The following SORCS2 variants were observed in gnomAD, a reference collection of about 807,000 sequenced individuals.
SORCS2 encodes the protein sortilin related VPS10 domain containing receptor 2, also known as VPS10 domain-containing receptor SorCS2.
In SORCS2, 100 loss-of-function variants were observed where a neutral mutation model predicts 141.6. The observed-to-expected ratio is 0.71, with a 90% CI of 0.60 to 0.83. SORCS2 has a LOEUF of 0.83. SORCS2 is among the 40% of genes least tolerant of loss of function. The pLI, the probability that SORCS2 is intolerant of heterozygous loss-of-function variation, is 0.00. For missense variants in SORCS2, 1,646 were observed against 1,560.2 expected, an observed-to-expected ratio of 1.05 and a Z score of -0.93; for synonymous variants, 789 against 676.9, an observed-to-expected ratio of 1.17 and a Z score of -2.57.
rs753672197 is a variant in SORCS2 at position 7,638,404 on chromosome 4, A to G, written c.725A>G (p.Gln242Arg). ...AGCGCAGACGAAGGCGCCACCTTTC[A>G]GAAGCAGCCCATTCCCTTCTTCGTG... is the stretch of plus-strand genomic sequence containing the variant. ...FLSADEGATF[Q>R]KQPIPFFVET... is the part of the protein sequence containing the mutation. The change falls in exon 4 of 27, where the codon CAG becomes CGG. Residue 242 changes from glutamine (Q) to arginine (R), a missense_variant. By Grantham distance (43) the Gln-to-Arg change is conservative. Transcript: ENST00000507866. 4 of 1,590,922 alleles carry G rather than the reference A, an allele frequency of 2.5e-6. No individual in the cohort carries two copies. The East Asian group carries it at 9.1e-5, about 36-fold the overall frequency.
intron 14 of SORCS2, among the ~76,000 whole-genome samples, chr4:7,708,191 G>A (rs1313890270): frequency 6.6e-6 from 1 of 152,220 alleles, no homozygotes; most frequent in Non-Finnish European, 1.5e-5. Flanking sequence ...CACCTGTGAT[G>A]CTTGGGGCCT....
intron 2 of SORCS2, among the ~76,000 whole-genome samples, chr4:7,456,895 G>T (rs1216719855): frequency 6.6e-6 from 1 of 151,630 alleles, no homozygotes; most frequent in Non-Finnish European, 1.5e-5. Flanking sequence ...GGTTGGCCCT[G>T]GGCAAGGCTT....
At chr4:7,390,241 G>C (rs529644202) in intron 1 of SORCS2, among the ~76,000 whole-genome samples, 1 of 152,156 alleles carries the variant, frequency 6.6e-6, no homozygotes, top group Non-Finnish European at 1.5e-5. Flanking sequence ...GGTGCTTTAT[G>C]TGTATTGATT....
intron 2 of SORCS2, among the ~76,000 whole-genome samples, chr4:7,484,746 A>G (rs901143658): frequency 6.6e-6 from 1 of 152,128 alleles, no homozygotes; most frequent in Non-Finnish European, 1.5e-5. Flanking sequence ...GCCTGAGGCC[A>G]TCTTCACAAC....
In SORCS2 at chr4:7,502,535, C is replaced by T. The variant is rs545196944; in HGVS notation, c.549-28995C>T. On this transcript the variant is annotated intron_variant, in intron 2 of 26. Transcript: ENST00000507866. ...AGCTGTGTGGACATGGCTGGTCTGA[C>T]TGTGGGCCTCATCCCCAGCCGCCTT... Among the ~76,000 whole-genome samples, 4 of 152,326 alleles carry T rather than the reference C, an allele frequency of 2.6e-5. No homozygotes were observed. The South Asian group carries it at 6.2e-4, about 24-fold the overall frequency.
At chr4:7,722,930 T>G (rs1023832290) in intron 18 of SORCS2, among the ~76,000 whole-genome samples, 22 of 151,472 alleles carry the variant, frequency 1.5e-4, no homozygotes, top group African/African-American at 4.6e-4. Flanking sequence ...GTGCCCCTGG[T>G]GCCGGCGAGG....
chr4:7,522,571 C>T (rs28577242), intron 2 of SORCS2, among the ~76,000 whole-genome samples: 1,947 of 152,188 alleles, frequency 0.013, 47 homozygotes, highest in African/African-American at 0.045. Context: ...AGAGAGGAGG[C>T]GCTCAGTAAG....
At chr4:7,606,400 C>G (rs562406217) in intron 3 of SORCS2, among the ~76,000 whole-genome samples, 1 of 152,288 alleles carries the variant, frequency 6.6e-6, no homozygotes, top group Admixed American at 6.5e-5. Flanking sequence ...GACTTTGATT[C>G]CACTGTTGAA....
chr4:7,519,065 C>G (rs761821150), intron 2 of SORCS2, among the ~76,000 whole-genome samples: 3 of 152,174 alleles, frequency 2.0e-5, no homozygotes, highest in Non-Finnish European at 2.9e-5. Flanking sequence ...GGCTCTGTCA[C>G]CCGCCGTGGC....
intron 3 of SORCS2, among the ~76,000 whole-genome samples, chr4:7,619,785 A>C (rs1218945369): frequency 6.6e-6 from 1 of 152,182 alleles, no homozygotes; most frequent in Non-Finnish European, 1.5e-5. Flanking sequence ...CTCACGTGGC[A>C]TAGTGCCCGA....
chr4:7,523,715 G>A (rs992627107), intron 2 of SORCS2, among the ~76,000 whole-genome samples: 1 of 152,180 alleles, frequency 6.6e-6, no homozygotes, highest in Non-Finnish European at 1.5e-5. Context: ...CCGCTGTTAT[G>A]TGATTGGACT....
At chr4:7,603,170 C>T (rs1029532400) in intron 3 of SORCS2, among the ~76,000 whole-genome samples, 1 of 143,672 alleles carries the variant, frequency 7.0e-6, no homozygotes, top group South Asian at 2.2e-4. Flanking sequence ...AGAGGGAGAC[C>T]ATGGAAAGAG....
intron 3 of SORCS2, among the ~76,000 whole-genome samples, chr4:7,532,739 G>C (rs1216951599): frequency 6.6e-6 from 1 of 152,122 alleles, no homozygotes; most frequent in African/African-American, 2.4e-5. Context: ...TGATTGGGCC[G>C]TCTCGGTGGT....
At chr4:7,295,172 C>T (rs1460051133) in intron 1 of SORCS2, among the ~76,000 whole-genome samples, 2 of 71,686 alleles carry the variant, frequency 2.8e-5, no homozygotes, top group African/African-American at 6.4e-5. Context: ...TATTTTCTCC[C>T]CCCTCTAGCC....
chr4:7,622,929 G>A (rs1014398469), intron 3 of SORCS2, among the ~76,000 whole-genome samples: 4 of 152,070 alleles, frequency 2.6e-5, no homozygotes, highest in South Asian at 2.1e-4. Context: ...CTCATGATGC[G>A]TCTGCTCTGG....
intron 13 of SORCS2, among the ~76,000 whole-genome samples, chr4:7,703,917 T>C (rs894377489): frequency 4.1e-4 from 62 of 152,236 alleles, no homozygotes; most frequent in African/African-American, 1.5e-3. Flanking sequence ...GCTCAGGCCA[T>C]GGGTGTGGCC....
intron 8 of SORCS2, among the ~76,000 whole-genome samples, chr4:7,667,790 C>A (rs1722587812): frequency 6.6e-6 from 1 of 152,236 alleles, no homozygotes. Context: ...GATTGCCCAA[C>A]TCTGCCCCTG....
chr4:7,602,181 G>A (rs1196106243), intron 3 of SORCS2, among the ~76,000 whole-genome samples: 1 of 152,234 alleles, frequency 6.6e-6, no homozygotes, highest in Admixed American at 6.5e-5. Flanking sequence ...ATGGGCTGCT[G>A]GGTACACCTC....
chr4:7,209,339 G>A (rs1028264009), intron 1 of SORCS2, among the ~76,000 whole-genome samples: 1 of 152,126 alleles, frequency 6.6e-6, no homozygotes, highest in African/African-American at 2.4e-5. Context: ...CCCAGGGCTC[G>A]GACTCCATCC....
Sources: allele counts gnomAD v4.1 joint callset (sites outside exome capture counted in the v4.1 genomes callset), GRCh38; gene constraint gnomAD v4.1.1; transcripts MANE v1.5; gene names NCBI Gene and HGNC (gene_info 2026-07-23, HGNC 2026-07-21).